The following DGKA variants were observed in gnomAD, a reference collection of about 807,000 sequenced individuals.
DGKA encodes diacylglycerol kinase alpha, also known as 80 kDa diacylglycerol kinase.
DGKA carries 35 observed loss-of-function variants against 105.0 expected under a neutral mutation model. That is an observed-to-expected ratio of 0.33 (90% CI 0.25 to 0.44). The LOEUF (loss-of-function observed/expected upper bound fraction) is 0.44, where lower values mean the gene tolerates loss of function less well. Ranked by LOEUF, DGKA falls within the 20% of genes least tolerant of loss-of-function variation. DGKA has a pLI of 1.00. For missense variants in DGKA, 665 were observed against 915.0 expected (o/e 0.73, Z 3.53); for synonymous variants, 296 against 332.0 (o/e 0.89, Z 1.18).
chr12:55,945,270 C>T (rs150829442), intron 17 of DGKA, among the ~76,000 whole-genome samples: 20 of 152,166 alleles, frequency 1.3e-4, no homozygotes, highest in African/African-American at 4.6e-4. Flanking sequence ...GTCATCTGCT[C>T]CTAGGTGGTA....
rs56971665 is a variant in DGKA, at chr12:55,932,707, ACG to A, written c.-82+1365_-82+1366del. 8.3e-3 allele frequency: 4,165 copies of A among 498,840 alleles called. 117 individuals are homozygous for A. The African/African-American group carries it at 0.13, about 15-fold the overall frequency. 30.9% of individuals were successfully genotyped at this position (498,840 alleles called of 1,614,324 possible). A position where few individuals can be genotyped will look rare whatever the true frequency, so the allele number is the denominator to read the frequency against. ...TGACACCCTCTACACACACACACAC[ACG>A]CACACACACACACACACACACACAC... is the stretch of plus-strand genomic sequence containing the variant. On this transcript the variant is annotated intron_variant, in intron 1 of 23. Transcript: ENST00000331886. The surrounding 1 kb of genome is among the most constrained non-coding windows in gnomAD (Gnocchi z 4.3).
chr12:55,952,952 G>C lies in DGKA; in HGVS notation c.1942+20G>C. On this transcript the variant is annotated intron_variant, in intron 21 of 23. Transcript: ENST00000331886. This position sits in a 1 kb window ranked among gnomAD's most constrained non-coding sequence, Gnocchi z 5.1. Reference sequence around the variant, plus strand: ...TACCAGGTGAGAGGAGCAGCCTTGGGAGCTGAGTGGGCAGGACGAAGGGAA... The same window carrying C: ...TACCAGGTGAGAGGAGCAGCCTTGGCAGCTGAGTGGGCAGGACGAAGGGAA... 6.2e-7 allele frequency: 1 copy of C among 1,614,086 alleles called. No homozygotes were observed. Among genetic ancestry groups the C allele is most frequent in the Non-Finnish European group, 8.5e-7 (1 of 1,179,980 alleles).
chr12:55,951,568 A>G (rs577056650), intron 17 of DGKA, 55 bp from the exon 18 acceptor site: 18 of 1,567,206 alleles, frequency 1.1e-5, no homozygotes, highest in African/African-American at 6.8e-5. Context: ...GGGAGCTGAG[A>G]AGAGGCCTCT....
upstream of DGKA, chr12:55,927,647 T>G (rs1385593841): frequency 6.6e-7 from 1 of 1,512,982 alleles, no homozygotes; most frequent in African/African-American, 1.4e-5. Context: ...GTGTGCCGAT[T>G]GCTGTCGGCC....
At chr12:55,946,196 G>A (rs1886957897) in intron 17 of DGKA, among the ~76,000 whole-genome samples, 1 of 146,614 alleles carries the variant, frequency 6.8e-6, no homozygotes, top group Admixed American at 6.8e-5. Flanking sequence ...TTGAGAGGGA[G>A]TTTTGCTCTT....
Position 55,951,699 on chromosome 12 carries a change from T to A in DGKA, c.1503T>A (p.Ser501=). The change falls in exon 18 of 24, where the codon TCT becomes TCA. Residue 501 remains serine (S), a synonymous_variant. Coordinates refer to ENST00000331886, the MANE Select transcript of DGKA (RefSeq NM_001345.5). ...MSKVVHMDRW[S]VEVIPQQTEE... is the part of the protein sequence containing the mutation. ...AAGTGGTACATATGGATCGATGGTCTGTGGAGGTGATACCTCAACAAACTG... is the reference window on the plus strand; with the variant it reads ...AAGTGGTACATATGGATCGATGGTCAGTGGAGGTGATACCTCAACAAACTG... 1 of 1,614,082 alleles carries A rather than the reference T, an allele frequency of 6.2e-7. No homozygotes were observed.
At chr12:55,939,942 G>T in intron 9 of DGKA, 140 bp from the exon 10 acceptor site, 1 of 734,632 alleles carries the variant, frequency 1.4e-6, no homozygotes, top group Non-Finnish European at 2.4e-6. Flanking sequence ...GGTTTTGGAG[G>T]TGGGCACTTC....
rs1434865925 is a variant in DGKA, at chr12:55,937,007, T to C, written c.65-10T>C. 1 of 1,613,592 alleles carries C rather than the reference T, an allele frequency of 6.2e-7. No homozygotes were observed. Among genetic ancestry groups the C allele is most frequent in the South Asian group, 1.1e-5 (1 of 91,078 alleles). On this transcript the variant is annotated splice_polypyrimidine_tract_variant and intron_variant, in intron 2 of 23. Coordinates refer to ENST00000331886, the MANE Select transcript of DGKA (RefSeq NM_001345.5). ...AATAATGCTGTTCTCTTACTCTCTCTACACCCTAGACTCCACCAAAAAGGT... is the reference window on the plus strand; with the variant it reads ...AATAATGCTGTTCTCTTACTCTCTCCACACCCTAGACTCCACCAAAAAGGT...
At chr12:55,939,165 C>T in intron 7 of DGKA, 21 bp from the exon 8 acceptor site, 2 of 1,612,730 alleles carry the variant, frequency 1.2e-6, no homozygotes, top group Non-Finnish European at 1.7e-6. Context: ...TACTGAAAGT[C>T]CCTTTCCACT....
Position 55,940,946 on chromosome 12 carries a change from A to G in DGKA, c.1067A>G (p.Asp356Gly). ...KNSKTSQKTM[D>G]DLNLSTSEAL... Reference sequence around the variant, plus strand: ...AGCAAAACAAGCCAGAAGACCATGGATGATTTAAATTTGAGCACCTCTGAG... The same window carrying G: ...AGCAAAACAAGCCAGAAGACCATGGGTGATTTAAATTTGAGCACCTCTGAG... Residue 356 changes from aspartate (D) to glycine (G), a missense_variant, in exon 13 of 24, where the codon GAT (aspartate) becomes GGT (glycine). Transcript: ENST00000331886. The surrounding 1 kb of genome is among the most constrained non-coding windows in gnomAD (Gnocchi z 4.3). 2 of 1,614,112 alleles carry G rather than the reference A, an allele frequency of 1.2e-6. No homozygotes were observed.
In DGKA at chr12:55,952,300, C is replaced by T. The variant is rs1888326750; in HGVS notation, c.1653-41C>T. The T allele has an allele frequency of 3.1e-6, 5 of 1,599,564 alleles. No homozygotes were observed. In the African/African-American group the frequency reaches 6.7e-5, roughly 21 times the overall value. On this transcript the variant is annotated intron_variant, in intron 19 of 23. Coordinates refer to ENST00000331886, the MANE Select transcript of DGKA (RefSeq NM_001345.5). The surrounding 1 kb of genome is among the most constrained non-coding windows in gnomAD (Gnocchi z 5.1). The stretch of plus-strand genomic sequence containing the variant: ...TACCACCCCTGCCAGCACTGTGTAA[C>T]CTGTCCCTCCCTACTGGGCCTTGTG...
chr12:55,942,507 C>T (rs1886225600), intron 17 of DGKA: 1 of 463,030 alleles, frequency 2.2e-6, no homozygotes, highest in African/African-American at 2.0e-5. Context: ...TTATGTTTCT[C>T]CCAACCAACT....
At chr12:55,944,184 C>T (rs1325895193) in intron 17 of DGKA, among the ~76,000 whole-genome samples, 2 of 152,138 alleles carry the variant, frequency 1.3e-5, no homozygotes, top group African/African-American at 4.8e-5. Context: ...CCTGTAGTCC[C>T]AACAACTCAG....
intron 15 of DGKA, 125 bp from the exon 16 acceptor site, chr12:55,941,873 A>G (rs1174145895): frequency 3.8e-6 from 4 of 1,042,620 alleles, no homozygotes; most frequent in Non-Finnish European, 5.9e-6. Flanking sequence ...ATAGAAACTC[A>G]AGTCTTTTGA....
In DGKA at chr12:55,953,190, G is replaced by GCT. The variant is rs1390002443; in HGVS notation, c.2063+30_2063+31insCT. 2.5e-6 allele frequency: 4 copies of GCT among 1,613,938 alleles called. No individual in the cohort carries two copies. In the East Asian group the frequency reaches 8.9e-5, roughly 36 times the overall value. The stretch of plus-strand genomic sequence containing the variant: ...GGAAGACTCCACCAGGGTCCCTGAG[G>GCT]GAAGGTGTGGGGCTGGGGCAGCAGA... On this transcript the variant is annotated intron_variant, in intron 22 of 23. Transcript: ENST00000331886.
Position 55,951,738 on chromosome 12 carries a change from C to T in DGKA, c.1542C>T (p.Asp514=), listed in dbSNP as rs1247466580. 3 of 1,613,898 alleles carry T rather than the reference C, an allele frequency of 1.9e-6. No individual in the cohort carries two copies. Among genetic ancestry groups the T allele is most frequent in the Middle Eastern group, 1.6e-4 (1 of 6,062 alleles). ...VIPQQTEEKS[D]PVPFQIINNY... is the part of the protein sequence containing the mutation. ...CTCAACAAACTGAAGAAAAAAGTGA[C>T]CCAGTCCCCTTTCAAATCATCAATA... is the stretch of plus-strand genomic sequence containing the variant. Residue 514 remains aspartate (D), a synonymous_variant, in exon 18 of 24, where the codon GAC becomes GAT. Coordinates refer to ENST00000331886, the MANE Select transcript of DGKA (RefSeq NM_001345.5).
At position 55,931,288 on chromosome 12, in the gene DGKA, AC is replaced by A. The variant is rs1883591476; in HGVS notation, c.-136del. On this transcript the variant is annotated 5_prime_UTR_variant, in exon 1 of 24. Coordinates refer to ENST00000331886, the MANE Select transcript of DGKA (RefSeq NM_001345.5). ...ACTCCAGGCAGGGGAAGCTGAAAGG[AC>A]CTTTCACTCCCTACTTTTGGCCAGG... The A allele has an allele frequency of 6.6e-6, 1 of 151,986 alleles. No individual in the cohort carries two copies. The allele number at this position is 151,986 out of a possible 1,614,324, so 9.4% of individuals were successfully genotyped here. A position where few individuals can be genotyped will look rare whatever the true frequency, so the allele number is the denominator to read the frequency against.
At position 55,951,627 on chromosome 12, in the gene DGKA, T is replaced by C. The variant is rs747233983; in HGVS notation, c.1431T>C (p.Tyr477=). 22 of 1,613,846 alleles carry C rather than the reference T, an allele frequency of 1.4e-5. No individual in the cohort carries two copies. Among genetic ancestry groups the C allele is most frequent in the Non-Finnish European group, 1.9e-5 (22 of 1,179,944 alleles). ...ACCTGTCTTCTCCACTCCTAGGTTA[T>C]GAAGGACAGAATCTGGCAAAGATCC... ...LARCLRWGGG[Y]EGQNLAKILK... is the part of the protein sequence containing the mutation. The change falls in exon 18 of 24, where the codon TAT becomes TAC. Residue 477 remains tyrosine, a synonymous_variant. Transcript: ENST00000331886.
intron 17 of DGKA, among the ~76,000 whole-genome samples, chr12:55,947,397 CTATAATCTATGCCCTACAG>C (rs1887263415): frequency 6.6e-6 from 1 of 152,168 alleles, no homozygotes; most frequent in African/African-American, 2.4e-5. Context: ...TGAAAGCTCC[CTATAATCTATGCCCTACAG>C]TTTTGGGGGC....
Sources: gnomAD v4.1 joint callset for allele counts (sites outside exome capture counted in the v4.1 genomes callset) on GRCh38, gnomAD v4.1.1 for gene constraint, Gnocchi (gnomAD v3.1) non-coding constraint, MANE v1.5 for transcripts, NCBI Gene and HGNC (gene_info 2026-07-23, HGNC 2026-07-21) for gene names.